The following TIAM1 variants were observed in gnomAD, a reference collection of about 807,000 sequenced individuals.
The protein encoded by TIAM1 is TIAM Rac1 associated GEF 1, also known as rho guanine nucleotide exchange factor TIAM1.
A neutral mutation model predicts 163.5 loss-of-function variants in TIAM1; 65 were observed. The observed-to-expected ratio is 0.40, with a 90% CI of 0.33 to 0.49. The LOEUF (loss-of-function observed/expected upper bound fraction) is 0.49. Among genes scored for constraint, TIAM1 ranks in the 20% least tolerant of loss-of-function variants. The pLI is 0.77. For missense variants in TIAM1, 1,789 were observed against 2,044.7 expected (o/e 0.87, Z 2.41); for synonymous variants, 833 against 810.1 (o/e 1.03, Z -0.48).
At chr21:31,264,301 G>T (rs1008652586) in intron 4 of TIAM1, among the ~76,000 whole-genome samples, 2 of 152,028 alleles carry the variant, frequency 1.3e-5, no homozygotes, top group Non-Finnish European at 2.9e-5. Flanking sequence ...GGAGTCCCCA[G>T]TGTCTACTGT....
chr21:31,250,599 G>A (rs1175964831), intron 5 of TIAM1, among the ~76,000 whole-genome samples: 4 of 152,262 alleles, frequency 2.6e-5, no homozygotes, highest in Non-Finnish European at 4.4e-5. Context: ...AGTATCGAAC[G>A]GTCTAGTTTG....
At chr21:31,329,214 T>C (rs943857896) in intron 2 of TIAM1, among the ~76,000 whole-genome samples, 2 of 152,206 alleles carry the variant, frequency 1.3e-5, no homozygotes, top group Admixed American at 6.5e-5. Context: ...AGAATGTCAG[T>C]TCCCTGAGGG....
intron 26 of TIAM1, among the ~76,000 whole-genome samples, chr21:31,126,367 G>C (rs2082199806): frequency 6.6e-6 from 1 of 152,208 alleles, no homozygotes; most frequent in African/African-American, 2.4e-5. Context: ...AGGAGATCGA[G>C]ACCATCCTGG....
rs1022742539 is a variant in TIAM1, at chr21:31,385,845, T to C, written c.-368-46423A>G. Among the ~76,000 whole-genome samples, 4 of 147,294 alleles carry C rather than the reference T, an allele frequency of 2.7e-5. No individual in the cohort carries two copies. The South Asian group carries it at 8.4e-4, about 31-fold the overall frequency. On this transcript the variant is annotated intron_variant, in intron 2 of 28. Transcript: ENST00000286827. ...AAATGTTTAATATATTATATATTTA[T>C]ATATAATACATATTGATTATATATT...
At chr21:31,482,756 A>G (rs1004670961) in intron 1 of TIAM1, among the ~76,000 whole-genome samples, 1 of 152,182 alleles carries the variant, frequency 6.6e-6, no homozygotes, top group African/African-American at 2.4e-5. Context: ...GCCGGTCCTC[A>G]GCTGAACCAG....
chr21:31,477,418 C>T (rs1359132648), intron 1 of TIAM1, among the ~76,000 whole-genome samples: 1 of 152,012 alleles, frequency 6.6e-6, no homozygotes, highest in Non-Finnish European at 1.5e-5. Context: ...TGTACAATAT[C>T]CACGCATTCC....
intron 3 of TIAM1, among the ~76,000 whole-genome samples, chr21:31,273,178 C>A (rs2073139659): frequency 6.6e-6 from 1 of 152,184 alleles, no homozygotes; most frequent in African/African-American, 2.4e-5. Context: ...TCTCACCCAG[C>A]CTTATACCAA....
At chr21:31,407,406 C>A (rs578136728) in intron 2 of TIAM1, among the ~76,000 whole-genome samples, 3 of 151,976 alleles carry the variant, frequency 2.0e-5, no homozygotes, top group Admixed American at 2.0e-4. Flanking sequence ...TCAAGCACCT[C>A]GGCAAAGATC....
intron 4 of TIAM1, among the ~76,000 whole-genome samples, chr21:31,260,221 AAT>A (rs892854315): frequency 6.8e-6 from 1 of 146,778 alleles, no homozygotes; most frequent in African/African-American, 2.5e-5. Context: ...ATATTAATAA[AAT>A]ATATATATAC....
intron 27 of TIAM1, 41 bp downstream of exon 27, chr21:31,124,481 G>T (rs1471273141): frequency 1.2e-6 from 2 of 1,608,992 alleles, no homozygotes; most frequent in Admixed American, 1.7e-5. Flanking sequence ...ACTGCGGAGT[G>T]GGGGTGACGG....
intron 3 of TIAM1, among the ~76,000 whole-genome samples, chr21:31,273,487 C>T (rs1026638604): frequency 1.3e-5 from 2 of 152,160 alleles, no homozygotes; most frequent in Non-Finnish European, 2.9e-5. Context: ...CCCTGAGTGG[C>T]ACAAAAACGG....
intron 1 of TIAM1, among the ~76,000 whole-genome samples, chr21:31,340,368 T>C (rs2075977235): frequency 6.6e-6 from 1 of 152,040 alleles, no homozygotes; most frequent in Admixed American, 6.6e-5. Context: ...ATGCTCTTAT[T>C]GTCCCTTTTT....
At chr21:31,498,138 C>G (rs559186739) in intron 1 of TIAM1, among the ~76,000 whole-genome samples, 1 of 152,352 alleles carries the variant, frequency 6.6e-6, no homozygotes, top group African/African-American at 2.4e-5. Flanking sequence ...GTGGCAGCCT[C>G]CCTCCCTTGG....
intron 2 of TIAM1, among the ~76,000 whole-genome samples, chr21:31,454,599 G>A (rs929675141): frequency 6.6e-6 from 1 of 152,134 alleles, no homozygotes; most frequent in Non-Finnish European, 1.5e-5. Flanking sequence ...GCGTGTCCAA[G>A]CCAAGCATGA....
intron 2 of TIAM1, among the ~76,000 whole-genome samples, chr21:31,404,560 G>T (rs1355348855): frequency 1.3e-5 from 2 of 149,830 alleles, no homozygotes; most frequent in African/African-American, 4.9e-5. Flanking sequence ...TTAAGAGATG[G>T]GTCTCTTTAT....
chr21:31,321,720 A>G (rs2075321413), intron 2 of TIAM1, among the ~76,000 whole-genome samples: 4 of 152,164 alleles, frequency 2.6e-5, no homozygotes, highest in African/African-American at 9.7e-5. Flanking sequence ...TTATAACATA[A>G]GAAGCCAAAC....
Position 31,252,023 on chromosome 21 carries a change from T to A in TIAM1, c.1130A>T (p.Asp377Val). Residue 377 changes from aspartate to valine, a missense_variant, in exon 5 of 28, where the codon GAT becomes GTT. This residue lies in a region of TIAM1 where 555 missense variants were observed against 564.9 expected (regional missense o/e 0.98). Coordinates refer to ENST00000541036, the MANE Select transcript of TIAM1 (RefSeq NM_001353694.2). ...CTCGTACACCCCCTGACGAGCCGCA[T>A]CCCCGGTGGAGCTGCTGCCGCTGTC... ...GSDSGSSSTG[D>V]AARQGVYENF... 6.2e-7 allele frequency: 1 copy of A among 1,614,020 alleles called. No homozygotes were observed. Among genetic ancestry groups the A allele is most frequent in the Non-Finnish European group, 8.5e-7 (1 of 1,179,988 alleles).
At chr21:31,134,244 G>A (rs1021656153) in intron 23 of TIAM1, among the ~76,000 whole-genome samples, 1 of 152,138 alleles carries the variant, frequency 6.6e-6, no homozygotes, top group Non-Finnish European at 1.5e-5. Flanking sequence ...CTGCTAGTCT[G>A]TAGTCCCACA....
intron 2 of TIAM1, among the ~76,000 whole-genome samples, chr21:31,454,206 T>G (rs2044998738): frequency 6.6e-6 from 1 of 152,244 alleles, no homozygotes; most frequent in Non-Finnish European, 1.5e-5. Context: ...TTGTCTGTAT[T>G]TTTTTGCTGA....
Sources: gnomAD v4.1 joint callset for allele counts (sites outside exome capture counted in the v4.1 genomes callset) on GRCh38, gnomAD v4.1.1 for gene constraint, gnomAD v4.1.1 regional missense constraint, MANE v1.5 for transcripts, NCBI Gene and HGNC (gene_info 2026-07-23, HGNC 2026-07-21) for gene names.